Variants in GRID1 observed in about 807,000 individuals in gnomAD.
GRID1 encodes glutamate receptor ionotropic, delta-1.
In GRID1, 28 loss-of-function variants were observed where a neutral mutation model predicts 98.0. That is an observed-to-expected ratio of 0.29 (90% CI 0.21 to 0.39). The LOEUF is 0.39. Ranked by LOEUF, GRID1 falls within the 10% of genes least tolerant of loss-of-function variation. The pLI is 1.00. For synonymous variants in GRID1, 553 were observed against 538.5 expected (o/e 1.03, Z -0.37); for missense variants, 1,111 against 1,340.5 (o/e 0.83, Z 2.67).
rs147068136 is a variant in GRID1 at position 86,048,992 on chromosome 10, G to C, written c.726+89827C>G. On this transcript the variant is annotated intron_variant, in intron 4 of 15. Coordinates refer to ENST00000327946, the MANE Select transcript of GRID1 (RefSeq NM_017551.3). ...AGAGCCCTTCTATGCATCAAGCCTT[G>C]TGCCAAGTTCCTACCTATGTTGTCT... 2.2e-3 allele frequency among the ~76,000 whole-genome samples: 329 copies of C among 152,340 alleles called. 1 individual carries two copies. The highest frequency in any genetic ancestry group is 7.4e-3 in the African/African-American group (308 of 41,584).
intron 8 of GRID1, among the ~76,000 whole-genome samples, chr10:85,747,244 A>C (rs1842006186): frequency 1.3e-5 from 2 of 152,128 alleles, no homozygotes; most frequent in African/African-American, 4.8e-5. Flanking sequence ...TGCACATAGC[A>C]GTGACTGTAT....
At chr10:85,972,572 T>G (rs952865903) in intron 4 of GRID1, among the ~76,000 whole-genome samples, 1 of 151,714 alleles carries the variant, frequency 6.6e-6, no homozygotes, top group Non-Finnish European at 1.5e-5. Flanking sequence ...AGAAATACTT[T>G]CTCAGTGCCT....
intron 13 of GRID1, among the ~76,000 whole-genome samples, chr10:85,629,889 T>C (rs1004841720): frequency 6.6e-6 from 1 of 152,232 alleles, no homozygotes; most frequent in African/African-American, 2.4e-5. Context: ...TTTGTCATTT[T>C]AATAATAGCC....
chr10:86,360,757 A>G (rs1021243447), intron 2 of GRID1, among the ~76,000 whole-genome samples: 15 of 152,212 alleles, frequency 9.9e-5, no homozygotes, highest in African/African-American at 3.6e-4. Flanking sequence ...GGCAAATCCT[A>G]TGATTATTCC....
In GRID1 at chr10:85,844,126, C is replaced by T. The variant is rs183224535; in HGVS notation, c.1233+10370G>A. 5.9e-5 allele frequency among the ~76,000 whole-genome samples: 9 copies of T among 151,810 alleles called. No individual in the cohort carries two copies. The East Asian group carries it at 1.7e-3, about 29-fold the overall frequency. On this transcript the variant is annotated intron_variant, in intron 8 of 15. Transcript: ENST00000327946. ...ACATGCAACAACTTGGATGGAACCT[C>T]TAGAAAATTGTGCCATTTTTTTCTA...
intron 3 of GRID1, among the ~76,000 whole-genome samples, chr10:86,189,498 C>T (rs1284217766): frequency 4.0e-5 from 6 of 151,240 alleles, no homozygotes; most frequent in Non-Finnish European, 7.4e-5. Flanking sequence ...CTACCCTCTA[C>T]ACACACACAC....
intron 2 of GRID1, among the ~76,000 whole-genome samples, chr10:86,271,247 G>A (rs553878863): frequency 2.6e-5 from 4 of 152,346 alleles, no homozygotes; most frequent in South Asian, 4.1e-4. Context: ...TCCTGCCTCA[G>A]TAGTAGTAGC....
At chr10:86,324,077 G>A (rs1848009089) in intron 2 of GRID1, among the ~76,000 whole-genome samples, 2 of 152,044 alleles carry the variant, frequency 1.3e-5, no homozygotes, top group Admixed American at 1.3e-4. Flanking sequence ...TACTCAGGAG[G>A]CTTAGGCAGG....
intron 4 of GRID1, among the ~76,000 whole-genome samples, chr10:86,135,462 C>T (rs1296280228): frequency 6.6e-6 from 1 of 151,744 alleles, no homozygotes. Flanking sequence ...TTCTATCACC[C>T]TCAGCCCCAT....
intron 2 of GRID1, among the ~76,000 whole-genome samples, chr10:86,247,545 T>G (rs1413323378): frequency 6.6e-6 from 1 of 152,178 alleles, no homozygotes; most frequent in Non-Finnish European, 1.5e-5. Context: ...ACCAGCCCCA[T>G]AACGGTGAAA....
intron 2 of GRID1, among the ~76,000 whole-genome samples, chr10:86,328,568 G>C (rs528020752): frequency 6.6e-6 from 1 of 152,170 alleles, no homozygotes; most frequent in Non-Finnish European, 1.5e-5. Flanking sequence ...GGGCTTTTCC[G>C]CATGTCCTCA....
intron 5 of GRID1, among the ~76,000 whole-genome samples, chr10:85,882,712 T>C (rs551572374): frequency 6.6e-6 from 1 of 152,338 alleles, no homozygotes; most frequent in African/African-American, 2.4e-5. Flanking sequence ...ACATGGCACA[T>C]GTATACATAT....
At chr10:86,319,539 AGGCCCCG>A (rs1847941398) in intron 2 of GRID1, among the ~76,000 whole-genome samples, 1 of 147,310 alleles carries the variant, frequency 6.8e-6, no homozygotes, top group Non-Finnish European at 1.5e-5. Flanking sequence ...CCCCTGCCCC[AGGCCCCG>A]GGAAAACTCC....
chr10:86,114,301 T>C (rs1424193654), intron 4 of GRID1, among the ~76,000 whole-genome samples: 1 of 152,038 alleles, frequency 6.6e-6, no homozygotes, highest in Non-Finnish European at 1.5e-5. Context: ...ACTAACCTTG[T>C]GGTCTATGCT....
intron 4 of GRID1, among the ~76,000 whole-genome samples, chr10:86,123,575 GC>G (rs1279860660): frequency 2.0e-5 from 3 of 152,186 alleles, no homozygotes; most frequent in Non-Finnish European, 4.4e-5. Flanking sequence ...GGGAGGCGAG[GC>G]CCTGCACTGG....
chr10:85,959,951 G>A (rs1416475742), intron 4 of GRID1, among the ~76,000 whole-genome samples: 2 of 151,712 alleles, frequency 1.3e-5, no homozygotes, highest in Admixed American at 6.6e-5. Flanking sequence ...GCACAATCTC[G>A]GCTCATTGTA....
intron 13 of GRID1, among the ~76,000 whole-genome samples, chr10:85,631,343 T>G (rs2132535076): frequency 6.6e-6 from 1 of 152,300 alleles, no homozygotes; most frequent in South Asian, 2.1e-4. Flanking sequence ...CATGCTGGTT[T>G]TTTCCCCTCT....
At position 86,241,591 on chromosome 10, in the gene GRID1, T is replaced by C. The variant is rs574141749; in HGVS notation, c.236-34943A>G. On this transcript the variant is annotated intron_variant, in intron 2 of 15. Coordinates refer to ENST00000327946, the MANE Select transcript of GRID1 (RefSeq NM_017551.3). ...GGAGTTAGTATCACTAACTTAATCC[T>C]AGACAGAGTTTGCATAGTTATTTCC... 2.8e-3 allele frequency among the ~76,000 whole-genome samples: 430 copies of C among 152,386 alleles called. 2 individuals are homozygous for C. The highest frequency in any genetic ancestry group is 0.01 in the Middle Eastern group (3 of 294).
intron 15 of GRID1, among the ~76,000 whole-genome samples, chr10:85,605,232 G>A (rs1590155056): frequency 6.6e-6 from 1 of 152,226 alleles, no homozygotes; most frequent in East Asian, 1.9e-4. Flanking sequence ...CAGAATCAGT[G>A]CTACAATCGT....
Sources: gnomAD v4.1 joint callset for allele counts (sites outside exome capture counted in the v4.1 genomes callset) on GRCh38, gnomAD v4.1.1 for gene constraint, MANE v1.5 for transcripts, NCBI Gene and HGNC (gene_info 2026-07-23, HGNC 2026-07-21) for gene names.